Variants in KANSL1 observed in about 807,000 individuals in gnomAD.
KANSL1 encodes MLL1/MLL complex subunit KANSL1.
A neutral mutation model predicts 103.6 loss-of-function variants in KANSL1; 22 were observed. The ratio of observed to expected loss-of-function variants is 0.21; its 90% CI spans 0.15 to 0.30. The LOEUF is 0.30. KANSL1 is among the 10% of genes least tolerant of loss of function. The pLI, the probability that KANSL1 is intolerant of heterozygous loss-of-function variation, is 1.00. For missense variants in KANSL1, 1,337 were observed against 1,399.8 expected, an observed-to-expected ratio of 0.96 and a Z score of 0.72; for synonymous variants, 600 against 527.6, an observed-to-expected ratio of 1.14 and a Z score of -1.88.
intron 1 of KANSL1, among the ~76,000 whole-genome samples, chr17:46,216,648 G>C (rs1023339639): frequency 6.7e-6 from 1 of 148,538 alleles, no homozygotes; most frequent in Non-Finnish European, 1.5e-5. Flanking sequence ...TCTTGTTAAA[G>C]ATAAATACAT....
At chr17:46,157,365 A>T (rs1248374379) in intron 2 of KANSL1, among the ~76,000 whole-genome samples, 1 of 152,248 alleles carries the variant, frequency 6.6e-6, no homozygotes, top group Non-Finnish European at 1.5e-5. Context: ...CCATTCAAGG[A>T]TGAAATTAAA....
chr17:46,046,840 TAAAAAA>T (rs36102082), intron 7 of KANSL1, among the ~76,000 whole-genome samples: 1 of 118,690 alleles, frequency 8.4e-6, no homozygotes, highest in African/African-American at 3.3e-5. Flanking sequence ...GTCTCAAAAG[TAAAAAA>T]AAAAAAAAAA....
At chr17:46,106,645 G>A (rs1317994545) in intron 2 of KANSL1, among the ~76,000 whole-genome samples, 2 of 152,060 alleles carry the variant, frequency 1.3e-5, no homozygotes, top group Middle Eastern at 3.2e-3. Flanking sequence ...TACCCACCTC[G>A]GTCTCCCAAA....
chr17:46,036,516 T>G (rs569623178), intron 10 of KANSL1, among the ~76,000 whole-genome samples: 1 of 152,358 alleles, frequency 6.6e-6, no homozygotes, highest in South Asian at 2.1e-4. Context: ...AGCATTTACA[T>G]TGCATTAGGT....
At chr17:46,181,433 CT>C (rs796952871) in intron 1 of KANSL1, among the ~76,000 whole-genome samples, 3,354 of 146,952 alleles carry the variant, frequency 0.023, 121 homozygotes, top group African/African-American at 0.074. Context: ...GTTCCTCACA[CT>C]TTTTTTTTTT....
At chr17:46,093,926 T>C (rs1428788914) in intron 3 of KANSL1, 1 of 152,300 alleles carries the variant, frequency 6.6e-6, no homozygotes, top group Non-Finnish European at 1.5e-5. Context: ...TTAAGTTCTA[T>C]GAAATGTGGC....
At chr17:46,219,755 C>T (rs1250451940) in intron 1 of KANSL1, among the ~76,000 whole-genome samples, 1 of 152,260 alleles carries the variant, frequency 6.6e-6, no homozygotes, top group Non-Finnish European at 1.5e-5. Flanking sequence ...CAAGAGAACA[C>T]ATGTCCTAGA....
upstream of KANSL1, chr17:46,196,470 C>T (rs2047613638): frequency 1.5e-5 from 7 of 455,680 alleles, no homozygotes; most frequent in South Asian, 9.3e-5. Context: ...AAAAACAGTC[C>T]CTCTTCCTCA....
chr17:46,079,493 T>C (rs1465305086), intron 4 of KANSL1, among the ~76,000 whole-genome samples: 1 of 152,214 alleles, frequency 6.6e-6, no homozygotes, highest in East Asian at 1.9e-4. Flanking sequence ...CAAGTTAAAG[T>C]TGGTTTGCAT....
chr17:46,081,759 TA>T lies in KANSL1; in HGVS notation c.1533+681del, dbSNP rs1447746979. Among the ~76,000 whole-genome samples the T allele has an allele frequency of 2.6e-5, 4 of 152,238 alleles. No homozygotes were observed. The East Asian group carries it at 7.7e-4, about 29-fold the overall frequency. On this transcript the variant is annotated intron_variant, in intron 4 of 14. Coordinates refer to ENST00000432791, the MANE Select transcript of KANSL1 (RefSeq NM_015443.4). ...CACACTAGCTTTATTATCTGAAGCA[TA>T]ATCAAAATAATAAACTACGGTTGTG... is the stretch of plus-strand genomic sequence containing the variant.
intron 2 of KANSL1, among the ~76,000 whole-genome samples, chr17:46,120,524 A>T (rs760415780): frequency 2.6e-5 from 4 of 152,236 alleles, no homozygotes; most frequent in Admixed American, 6.5e-5. Context: ...GCGAGGGGCA[A>T]GTCAACATGC....
intron 2 of KANSL1, among the ~76,000 whole-genome samples, chr17:46,106,874 A>G (rs1370887616): frequency 6.6e-6 from 1 of 152,248 alleles, no homozygotes; most frequent in Non-Finnish European, 1.5e-5. Context: ...ACCCTGGTAC[A>G]GGCAAGGTGG....
chr17:46,153,368 G>C (rs532075025), intron 2 of KANSL1, among the ~76,000 whole-genome samples: 2 of 152,214 alleles, frequency 1.3e-5, no homozygotes, highest in Non-Finnish European at 2.9e-5. Context: ...CGGTAAAATA[G>C]TACACTCTTA....
At chr17:46,062,019 G>A (rs1300430395) in intron 6 of KANSL1, among the ~76,000 whole-genome samples, 1 of 149,978 alleles carries the variant, frequency 6.7e-6, no homozygotes, top group Non-Finnish European at 1.5e-5. Context: ...TTGAACCCGG[G>A]AGGCGGAGGC....
At chr17:46,130,160 CTGGGCAAAAGAA>C (rs1258402781) in intron 2 of KANSL1, among the ~76,000 whole-genome samples, 2 of 132,410 alleles carry the variant, frequency 1.5e-5, no homozygotes, top group East Asian at 4.4e-4. Flanking sequence ...GAACTCATGC[CTGGGCAAAAGAA>C]TGAGATCCTG....
At chr17:46,156,808 A>C (rs1407409465) in intron 2 of KANSL1, 1 of 153,248 alleles carries the variant, frequency 6.5e-6, no homozygotes, top group Non-Finnish European at 1.4e-5. Context: ...CTGAGGCAGG[A>C]GAATCGCTTG....
chr17:46,074,612 TA>T (rs1470062273), intron 4 of KANSL1, among the ~76,000 whole-genome samples: 1 of 151,020 alleles, frequency 6.6e-6, no homozygotes, highest in African/African-American at 2.4e-5. Flanking sequence ...ACAAAAAACA[TA>T]AAAATGTGCC....
At chr17:46,051,462 A>G (rs1173894068) in intron 6 of KANSL1, among the ~76,000 whole-genome samples, 1 of 152,218 alleles carries the variant, frequency 6.6e-6, no homozygotes, top group South Asian at 2.1e-4. Context: ...AGGTAAGTCC[A>G]AAGTTAAATA....
intron 1 of KANSL1, among the ~76,000 whole-genome samples, chr17:46,213,934 T>C (rs1208293273): frequency 6.6e-6 from 1 of 151,530 alleles, no homozygotes; most frequent in Non-Finnish European, 1.5e-5. Context: ...AAAAAACTAA[T>C]ATGCAAGAAC....
Sources: allele counts gnomAD v4.1 joint callset (sites outside exome capture counted in the v4.1 genomes callset), GRCh38; gene constraint gnomAD v4.1.1; transcripts MANE v1.5; gene names NCBI Gene and HGNC (gene_info 2026-07-23, HGNC 2026-07-21).